XRCC4: variants seen among roughly 807,000 people sequenced by gnomAD.
The protein encoded by XRCC4 is DNA repair protein XRCC4.
Under a neutral mutation model 39.1 loss-of-function variants are expected in XRCC4, and 28 were observed. The observed-to-expected ratio is 0.72, with a 90% CI of 0.53 to 0.98. The LOEUF (loss-of-function observed/expected upper bound fraction) is 0.98. Among genes scored for constraint, XRCC4 ranks in the 50% least tolerant of loss-of-function variants. The probability of loss-of-function intolerance (pLI) is 0.00; values close to 1 mark genes in which losing one functional copy is unlikely to be tolerated. For missense variants in XRCC4, 350 were observed against 376.4 expected (o/e 0.93, Z 0.58); for synonymous variants, 123 against 126.4 (o/e 0.97, Z 0.18).
chr5:83,205,765 T>C (rs1751396088), intron 6 of XRCC4, among the ~76,000 whole-genome samples: 1 of 151,964 alleles, frequency 6.6e-6, no homozygotes. Flanking sequence ...GGTTGATAAG[T>C]GCTAAAGAGA....
intron 3 of XRCC4, among the ~76,000 whole-genome samples, chr5:83,157,969 G>A (rs963565126): frequency 5.9e-5 from 9 of 152,140 alleles, no homozygotes; most frequent in Admixed American, 2.0e-4. Context: ...TTCCCCACTT[G>A]CTTTTTATTA....
intron 7 of XRCC4, among the ~76,000 whole-genome samples, chr5:83,333,775 T>A (rs1477346017): frequency 1.3e-5 from 2 of 151,980 alleles, no homozygotes; most frequent in Non-Finnish European, 2.9e-5. Context: ...TAAACCTTTT[T>A]TTTTTTTTTT....
chr5:83,142,984 A>C (rs1748256532), intron 3 of XRCC4, among the ~76,000 whole-genome samples: 1 of 152,158 alleles, frequency 6.6e-6, no homozygotes, highest in Admixed American at 6.5e-5. Flanking sequence ...CTTATGATAC[A>C]ATTTTGAATA....
chr5:83,222,625 A>G (rs28360184), intron 6 of XRCC4, among the ~76,000 whole-genome samples: 9,077 of 152,118 alleles, frequency 0.06, 994 homozygotes, highest in East Asian at 0.48. Flanking sequence ...ATTTTCATGC[A>G]TTTGTACAGT....
At chr5:83,140,304 C>T (rs1748104223) in intron 3 of XRCC4, among the ~76,000 whole-genome samples, 1 of 152,172 alleles carries the variant, frequency 6.6e-6, no homozygotes, top group Non-Finnish European at 1.5e-5. Flanking sequence ...AGATCCCCCG[C>T]AAACCACCGA....
chr5:83,309,475 G>A (rs1755625372), intron 7 of XRCC4, among the ~76,000 whole-genome samples: 1 of 150,278 alleles, frequency 6.7e-6, no homozygotes, highest in South Asian at 2.1e-4. Flanking sequence ...CTAGAAAATG[G>A]ATTAGGCTGG....
chr5:83,172,087 A>G (rs904117768), intron 3 of XRCC4, among the ~76,000 whole-genome samples: 1 of 152,166 alleles, frequency 6.6e-6, no homozygotes, highest in Non-Finnish European at 1.5e-5. Flanking sequence ...TAGTAGTACT[A>G]TGATGGTACA....
At chr5:83,288,925 G>A (rs1042365869) in intron 7 of XRCC4, among the ~76,000 whole-genome samples, 1 of 151,302 alleles carries the variant, frequency 6.6e-6, no homozygotes, top group Non-Finnish European at 1.5e-5. Context: ...TATACCTTTT[G>A]AAATTGTCTA....
At position 83,271,760 on chromosome 5, in the gene XRCC4, A is replaced by C. The variant is rs7730872; in HGVS notation, c.893+13083A>C. 7.2e-3 allele frequency among the ~76,000 whole-genome samples: 1,094 copies of C among 152,256 alleles called. 7 individuals are homozygous for C. Among genetic ancestry groups the C allele is most frequent in the African/African-American group, 0.024 (987 of 41,546 alleles). On this transcript the variant is annotated intron_variant, in intron 7 of 7. Coordinates refer to ENST00000396027, the MANE Select transcript of XRCC4 (RefSeq NM_003401.5). Reference sequence around the variant, plus strand: ...GGAAGAGAGAGAGAGAAAAGGGAACAATTTAAATAGTGCTGGGCATTCTAG... The same window carrying C: ...GGAAGAGAGAGAGAGAAAAGGGAACCATTTAAATAGTGCTGGGCATTCTAG...
At chr5:83,214,870 A>G (rs979174150) in intron 6 of XRCC4, among the ~76,000 whole-genome samples, 1 of 150,982 alleles carries the variant, frequency 6.6e-6, no homozygotes, top group Admixed American at 6.6e-5. Flanking sequence ...AAAATACAGA[A>G]TAAAGAAATT....
chr5:83,236,949 G>A (rs1009228876), intron 6 of XRCC4, among the ~76,000 whole-genome samples: 4 of 151,658 alleles, frequency 2.6e-5, no homozygotes, highest in East Asian at 1.9e-4. Context: ...AATGGCCAAA[G>A]GTATATGGAA....
chr5:83,206,496 T>C (rs932018611), intron 6 of XRCC4, among the ~76,000 whole-genome samples: 1 of 151,996 alleles, frequency 6.6e-6, no homozygotes, highest in African/African-American at 2.4e-5. Context: ...ATAGAACATA[T>C]TCACTGGATT....
intron 3 of XRCC4, among the ~76,000 whole-genome samples, chr5:83,174,234 AATTT>A (rs1374116508): frequency 6.6e-6 from 1 of 152,132 alleles, no homozygotes; most frequent in Non-Finnish European, 1.5e-5. Context: ...TTTCCTAGTT[AATTT>A]ATTTTTAACC....
intron 7 of XRCC4, among the ~76,000 whole-genome samples, chr5:83,323,703 G>T (rs1756152960): frequency 6.6e-6 from 1 of 150,724 alleles, no homozygotes; most frequent in Admixed American, 6.6e-5. Context: ...AAGTAGTAAG[G>T]ATGTATGAAC....
chr5:83,311,754 A>G (rs145334424), intron 7 of XRCC4, among the ~76,000 whole-genome samples: 8 of 152,156 alleles, frequency 5.3e-5, no homozygotes, highest in African/African-American at 1.9e-4. Context: ...AATAATGCAT[A>G]CCACTATTTT....
intron 6 of XRCC4, among the ~76,000 whole-genome samples, chr5:83,248,856 A>G (rs1753207139): frequency 6.6e-6 from 1 of 152,168 alleles, no homozygotes; most frequent in Non-Finnish European, 1.5e-5. Flanking sequence ...TTTTTGTTGA[A>G]AATTTTGAAA....
intron 7 of XRCC4, among the ~76,000 whole-genome samples, chr5:83,275,451 C>T (rs544290411): frequency 5.3e-5 from 8 of 151,868 alleles, no homozygotes; most frequent in Admixed American, 3.9e-4. Flanking sequence ...CCCGCCACTA[C>T]GCCCGGCTAA....
intron 7 of XRCC4, among the ~76,000 whole-genome samples, chr5:83,274,710 G>A (rs1305735988): frequency 6.6e-6 from 1 of 152,138 alleles, no homozygotes; most frequent in Non-Finnish European, 1.5e-5. Context: ...TTGAAAGAAA[G>A]GTAATGCAAA....
At chr5:83,354,436 G>A (rs191844111), downstream of XRCC4, among the ~76,000 whole-genome samples, 20 of 152,192 alleles carry the variant, frequency 1.3e-4, no homozygotes, top group African/African-American at 2.4e-4. Flanking sequence ...CCAAAATTAC[G>A]TAGTTTTCTT....
Sources: allele counts gnomAD v4.1 joint callset (sites outside exome capture counted in the v4.1 genomes callset), GRCh38; gene constraint gnomAD v4.1.1; transcripts MANE v1.5; gene names NCBI Gene and HGNC (gene_info 2026-07-23, HGNC 2026-07-21).